The following TRMT11 variants were observed in gnomAD, a reference collection of about 807,000 sequenced individuals.
The protein encoded by TRMT11 is tRNA (guanine(10)-N(2))-methyltransferase TRMT11.
A neutral mutation model predicts 62.8 loss-of-function variants in TRMT11; 53 were observed. The ratio of observed to expected loss-of-function variants is 0.84; its 90% CI spans 0.68 to 1.06. TRMT11 has a LOEUF of 1.06. TRMT11 is among the 50% of genes least tolerant of loss of function. TRMT11 has a pLI of 0.00. For synonymous variants in TRMT11, 188 were observed against 190.3 expected (o/e 0.99, Z 0.10); for missense variants, 556 against 553.4 (o/e 1.00, Z -0.05).
intron 1 of TRMT11, chr6:125,986,980 C>G (rs1011314118): frequency 6.4e-5 from 16 of 251,868 alleles, no homozygotes; most frequent in Non-Finnish European, 2.3e-5. Context: ...TTGGAATCTG[C>G]GGATCAAGCT....
chr6:126,050,169 A>T (rs1776172572), intron 16 of TRMT11, among the ~76,000 whole-genome samples: 1 of 151,990 alleles, frequency 6.6e-6, no homozygotes, highest in African/African-American at 2.4e-5. Context: ...TCTCTACTAA[A>T]AAATACAAAA....
At chr6:125,991,504 A>C (rs1790623171) in intron 1 of TRMT11, among the ~76,000 whole-genome samples, 2 of 151,952 alleles carry the variant, frequency 1.3e-5, no homozygotes, top group South Asian at 4.2e-4. Context: ...GGGAGCTCTC[A>C]CTGTGTTGCC....
chr6:126,125,685 T>C (rs886247992), intron 21 of TRMT11, among the ~76,000 whole-genome samples: 2 of 152,072 alleles, frequency 1.3e-5, no homozygotes, highest in Non-Finnish European at 2.9e-5. Flanking sequence ...CTTTCTGCCT[T>C]GTCTTAGTAA....
At chr6:126,125,598 G>A (rs940967320) in intron 21 of TRMT11, among the ~76,000 whole-genome samples, 1 of 152,034 alleles carries the variant, frequency 6.6e-6, no homozygotes, top group Non-Finnish European at 1.5e-5. Context: ...GAAACAGTGG[G>A]AAACACAACA....
At chr6:126,039,606 C>A (rs1172816029), downstream of TRMT11, among the ~76,000 whole-genome samples, 3 of 152,050 alleles carry the variant, frequency 2.0e-5, no homozygotes, top group Middle Eastern at 3.4e-3. Context: ...TAATCAGTGC[C>A]CTTTGAAATA....
At chr6:126,225,685 A>ATTTTTTTTTTTTTTT in the TRMT11 span, among the ~76,000 whole-genome samples, 2 of 95,280 alleles carry the variant, frequency 2.1e-5, no homozygotes, top group African/African-American at 1.0e-4. Context: ...TATGTTTACT[A>ATTTTTTTTTTTTTTT]TTTTTTTTTT....
At chr6:126,216,077 G>A in the TRMT11 span, among the ~76,000 whole-genome samples, 25 of 152,164 alleles carry the variant, frequency 1.6e-4, no homozygotes, top group African/African-American at 5.5e-4. Context: ...AATATTAACA[G>A]TGAGGTTTGT....
chr6:126,216,398 G>C, the TRMT11 span, among the ~76,000 whole-genome samples: 1 of 151,904 alleles, frequency 6.6e-6, no homozygotes, highest in South Asian at 2.1e-4. Flanking sequence ...CATAGGTTCT[G>C]GTATGTTTTG....
At chr6:126,155,014 T>A (rs1471766558) in intron 21 of TRMT11, among the ~76,000 whole-genome samples, 1 of 152,150 alleles carries the variant, frequency 6.6e-6, no homozygotes, top group Non-Finnish European at 1.5e-5. Context: ...CCTTGTGGGG[T>A]TGGTCTCTAA....
the TRMT11 span, among the ~76,000 whole-genome samples, chr6:126,269,054 G>A: frequency 1.3e-5 from 2 of 151,532 alleles, no homozygotes; most frequent in Non-Finnish European, 2.9e-5. Context: ...GAGGTCAGGA[G>A]ATCGAGACCA....
the TRMT11 span, among the ~76,000 whole-genome samples, chr6:126,223,274 A>T: frequency 6.6e-6 from 1 of 152,072 alleles, no homozygotes; most frequent in Non-Finnish European, 1.5e-5. Context: ...ACAAAAAATT[A>T]GCTGGGCATG....
chr6:126,251,921 A>G, the TRMT11 span, among the ~76,000 whole-genome samples: 1 of 152,212 alleles, frequency 6.6e-6, no homozygotes, highest in African/African-American at 2.4e-5. Context: ...AGAAAGATTC[A>G]GAGAAATTCA....
chr6:126,151,813 T>TCTTTCTTTCTTTCGTTTC (rs1778046954), intron 21 of TRMT11, among the ~76,000 whole-genome samples: 1 of 99,570 alleles, frequency 1.0e-5, no homozygotes, highest in Non-Finnish European at 2.2e-5. Flanking sequence ...GTCTTTTCTT[T>TCTTTCTTTCTTTCGTTTC]CTTTCTTTCT....
chr6:126,078,681 G>A (rs993364404), intron 17 of TRMT11, among the ~76,000 whole-genome samples: 2 of 152,116 alleles, frequency 1.3e-5, no homozygotes, highest in Non-Finnish European at 2.9e-5. Context: ...CAGAGGAGCC[G>A]AAGGTATAAA....
the TRMT11 span, among the ~76,000 whole-genome samples, chr6:126,242,438 A>G: frequency 6.6e-6 from 1 of 152,202 alleles, no homozygotes; most frequent in Admixed American, 6.5e-5. Context: ...AAACTACTTT[A>G]AAGTTCATAT....
chr6:126,164,167 T>C (rs574562262), intron 21 of TRMT11, among the ~76,000 whole-genome samples: 39 of 152,350 alleles, frequency 2.6e-4, no homozygotes, highest in African/African-American at 9.4e-4. Flanking sequence ...GATTCTGGCA[T>C]GTTGTGTCTT....
At chr6:125,994,283 A>G (rs1185857867) in intron 2 of TRMT11, among the ~76,000 whole-genome samples, 9 of 151,756 alleles carry the variant, frequency 5.9e-5, no homozygotes, top group African/African-American at 2.2e-4. Flanking sequence ...TCTTGACGTG[A>G]CTTATAATTT....
intron 1 of TRMT11, 75 bp downstream of exon 1, chr6:125,986,697 T>C (rs1242897082): frequency 2.9e-6 from 4 of 1,383,346 alleles, no homozygotes; most frequent in Non-Finnish European, 4.0e-6. Context: ...GGAGGTGATC[T>C]GCATAGCCCG....
At chr6:126,122,870 C>A (rs1244753901) in intron 21 of TRMT11, among the ~76,000 whole-genome samples, 2 of 152,098 alleles carry the variant, frequency 1.3e-5, no homozygotes, top group African/African-American at 2.4e-5. Context: ...GGGGCCAGAG[C>A]CCTGGTTCTC....
Sources: allele counts gnomAD v4.1 joint callset (sites outside exome capture counted in the v4.1 genomes callset), GRCh38; gene constraint gnomAD v4.1.1; transcripts MANE v1.5; gene names NCBI Gene and HGNC (gene_info 2026-07-23, HGNC 2026-07-21).